Variants in ERC2 observed in about 807,000 individuals in gnomAD.
ERC2 encodes the protein ERC protein 2.
In ERC2, 42 loss-of-function variants were observed where a neutral mutation model predicts 114.8. The ratio of observed to expected loss-of-function variants is 0.37; its 90% CI spans 0.29 to 0.47. The LOEUF (loss-of-function observed/expected upper bound fraction) is 0.47, where lower values mean the gene tolerates loss of function less well. ERC2 is among the 20% of genes least tolerant of loss of function. The pLI, the probability that ERC2 is intolerant of heterozygous loss-of-function variation, is 0.99. For synonymous variants in ERC2, 454 were observed against 425.5 expected, an observed-to-expected ratio of 1.07 and a Z score of -0.82; for missense variants, 939 against 1,150.7, an observed-to-expected ratio of 0.82 and a Z score of 2.66.
chr3:55,659,603 C>A (rs182778121), intron 17 of ERC2, among the ~76,000 whole-genome samples: 2 of 152,270 alleles, frequency 1.3e-5, no homozygotes, highest in Admixed American at 6.5e-5. Context: ...CACCCACATC[C>A]GTCCATGCCA....
chr3:55,671,766 C>T (rs2061568983), intron 17 of ERC2, among the ~76,000 whole-genome samples: 1 of 152,154 alleles, frequency 6.6e-6, no homozygotes, highest in African/African-American at 2.4e-5. Flanking sequence ...GTAGCTCCAC[C>T]TGCTTGGAAA....
chr3:55,870,231 C>T (rs951571488), intron 14 of ERC2, among the ~76,000 whole-genome samples: 4 of 152,054 alleles, frequency 2.6e-5, no homozygotes, highest in African/African-American at 4.8e-5. Context: ...CCCGTCACCA[C>T]GCCTGGCTAA....
intron 17 of ERC2, among the ~76,000 whole-genome samples, chr3:55,590,293 C>T (rs191951504): frequency 4.7e-4 from 72 of 152,274 alleles, no homozygotes; most frequent in African/African-American, 1.5e-3. Context: ...TCTCTCATCC[C>T]GTTGGTGGGT....
At chr3:56,163,813 G>C (rs1294007785) in intron 4 of ERC2, among the ~76,000 whole-genome samples, 2 of 151,992 alleles carry the variant, frequency 1.3e-5, no homozygotes, top group East Asian at 1.9e-4. Flanking sequence ...CTTGTCTTTT[G>C]ATCCAACTTT....
At chr3:56,232,109 T>C (rs1011443412) in intron 3 of ERC2, among the ~76,000 whole-genome samples, 6 of 150,076 alleles carry the variant, frequency 4.0e-5, no homozygotes, top group African/African-American at 1.5e-4. Context: ...CAGCTGGGAC[T>C]ACAGGCATGC....
chr3:55,923,071 T>C (rs1402133792), intron 13 of ERC2, among the ~76,000 whole-genome samples: 1 of 152,146 alleles, frequency 6.6e-6, no homozygotes, highest in Non-Finnish European at 1.5e-5. Flanking sequence ...TGAACAGATA[T>C]GTATATATCA....
At chr3:56,035,681 C>G (rs2074749532) in intron 7 of ERC2, among the ~76,000 whole-genome samples, 2 of 152,222 alleles carry the variant, frequency 1.3e-5, no homozygotes, top group African/African-American at 4.8e-5. Flanking sequence ...GAAGATACAG[C>G]ATTCAAGGTG....
intron 17 of ERC2, among the ~76,000 whole-genome samples, chr3:55,630,404 G>A (rs1575838495): frequency 6.6e-6 from 1 of 152,222 alleles, no homozygotes. Flanking sequence ...CCCAACCTCA[G>A]GTGATTCACC....
At position 55,957,734 on chromosome 3, in the gene ERC2, G is replaced by T. The variant is rs534661179; in HGVS notation, c.2268-7174C>A. Among the ~76,000 whole-genome samples, 18 of 152,104 alleles carry T rather than the reference G, an allele frequency of 1.2e-4. No individual in the cohort carries two copies. In the South Asian group the frequency reaches 1.2e-3, roughly 10 times the overall value. On this transcript the variant is annotated intron_variant, in intron 12 of 17. Transcript: ENST00000288221. ...GTGTTCCAGCTGCAGTGGGGAGGAGGGGGGGGCAGCTCCAGGCGCCTGCTC... is the reference window on the plus strand; with the variant it reads ...GTGTTCCAGCTGCAGTGGGGAGGAGTGGGGGGCAGCTCCAGGCGCCTGCTC...
chr3:56,368,115 T>A (rs78924736), intron 2 of ERC2, among the ~76,000 whole-genome samples: 4,193 of 150,600 alleles, frequency 0.028, 65 homozygotes, highest in South Asian at 0.07. Flanking sequence ...TCACTCAATA[T>A]ACCCATGTAA....
intron 17 of ERC2, among the ~76,000 whole-genome samples, chr3:55,652,002 T>G (rs556238664): frequency 1.3e-5 from 2 of 152,342 alleles, no homozygotes; most frequent in East Asian, 3.9e-4. Flanking sequence ...AGCTCTTCAG[T>G]TCTTCCCAAT....
intron 7 of ERC2, among the ~76,000 whole-genome samples, chr3:56,047,310 T>G (rs112763765): frequency 1.1e-3 from 170 of 152,320 alleles, no homozygotes; most frequent in African/African-American, 3.9e-3. Context: ...TACCACTGGA[T>G]CCTGTCCTTA....
intron 15 of ERC2, among the ~76,000 whole-genome samples, chr3:55,718,770 T>C (rs2064275502): frequency 6.6e-6 from 1 of 152,244 alleles, no homozygotes. Context: ...ATCTTAGGTT[T>C]CTTCTACTTC....
chr3:56,427,097 G>T (rs971708784), intron 2 of ERC2, among the ~76,000 whole-genome samples: 1 of 151,640 alleles, frequency 6.6e-6, no homozygotes, highest in Admixed American at 6.6e-5. Context: ...GGGAGGTAAA[G>T]GTTGCAGTGA....
intron 10 of ERC2, among the ~76,000 whole-genome samples, chr3:55,997,622 G>A (rs2071624202): frequency 1.3e-5 from 2 of 149,146 alleles, no homozygotes; most frequent in Non-Finnish European, 1.5e-5. Flanking sequence ...GAAGAACCAA[G>A]GGAAGAAAAA....
At chr3:56,159,580 G>A (rs977728399) in intron 4 of ERC2, among the ~76,000 whole-genome samples, 13 of 152,130 alleles carry the variant, frequency 8.5e-5, no homozygotes, top group Admixed American at 3.3e-4. Context: ...GCAAGATGCT[G>A]AGGTTTGGGG....
intron 7 of ERC2, among the ~76,000 whole-genome samples, chr3:56,039,306 G>A (rs1045994771): frequency 2.0e-5 from 3 of 152,086 alleles, no homozygotes; most frequent in African/African-American, 4.8e-5. Flanking sequence ...TAATGTTGCA[G>A]GATAGAAAGT....
At chr3:56,139,710 AAATTGCTG>A in intron 5 of ERC2, 34 bp from the exon 6 acceptor site, 1 of 1,557,434 alleles carries the variant, frequency 6.4e-7, no homozygotes, top group Non-Finnish European at 8.7e-7. Flanking sequence ...AAGAAATTAG[AAATTGCTG>A]CCCCTACACT....
intron 12 of ERC2, among the ~76,000 whole-genome samples, chr3:55,965,426 C>T (rs1388329780): frequency 6.6e-6 from 1 of 152,212 alleles, no homozygotes; most frequent in African/African-American, 2.4e-5. Flanking sequence ...CCCTATTGGA[C>T]AGCACAGATT....
Sources: allele counts gnomAD v4.1 joint callset (sites outside exome capture counted in the v4.1 genomes callset), GRCh38; gene constraint gnomAD v4.1.1; transcripts MANE v1.5; gene names NCBI Gene and HGNC (gene_info 2026-07-23, HGNC 2026-07-21).